The following WWOX variants were observed in gnomAD, a reference collection of about 807,000 sequenced individuals.
WWOX encodes the protein WW domain containing oxidoreductase.
WWOX carries 69 observed loss-of-function variants against 46.2 expected under a neutral mutation model. That is an observed-to-expected ratio of 1.49 (90% CI 1.23 to 1.82). WWOX has a LOEUF of 1.82. Among genes scored for constraint, WWOX ranks in the 40% most tolerant of loss-of-function variants. The pLI is 0.00. For synonymous variants in WWOX, 359 were observed against 202.6 expected, an observed-to-expected ratio of 1.77 and a Z score of -6.56; for missense variants, 919 against 542.6, an observed-to-expected ratio of 1.69 and a Z score of -6.89.
chr16:78,595,297 TTC>T lies in WWOX; in HGVS notation c.1056+162546_1056+162547del, dbSNP rs1555570658. On this transcript the variant is annotated intron_variant, in intron 8 of 8. Transcript: ENST00000566780. The stretch of plus-strand genomic sequence containing the variant: ...AGCAACTGGAAATGTCTTTTTTTTT[TTC>T]CTCCTTTTTCCTGAATATGGAACCA... 6.3e-3 allele frequency among the ~76,000 whole-genome samples: 922 copies of T among 147,056 alleles called. 5 individuals carry two copies. The highest frequency in any genetic ancestry group is 0.024 in the African/African-American group (889 of 37,332).
intron 6 of WWOX, among the ~76,000 whole-genome samples, chr16:78,388,137 T>C (rs902943855): frequency 6.6e-6 from 1 of 152,314 alleles, no homozygotes; most frequent in East Asian, 1.9e-4. Context: ...CCCAAGTGAT[T>C]TTCCTGTCCC....
rs2031608706 is a variant in WWOX at position 78,099,669 on chromosome 16, G to C, written c.-110G>C. 1 of 1,368,788 alleles carries C rather than the reference G, an allele frequency of 7.3e-7. No individual in the cohort carries two copies. Among genetic ancestry groups the C allele is most frequent in the Admixed American group, 3.0e-5 (1 of 33,668 alleles). The allele number at this position is 1,368,788 out of a possible 1,614,324, so 84.8% of individuals were successfully genotyped here. A position where few individuals can be genotyped will look rare whatever the true frequency, so the allele number is the denominator to read the frequency against. The stretch of plus-strand genomic sequence containing the variant: ...CCTGGAGGGCGCAGTGCGCAGGCGT[G>C]AGCGGTCGGGCCCCGACGCGCGCGG... On this transcript the variant is annotated 5_prime_UTR_variant, in exon 1 of 9. Coordinates refer to ENST00000566780, the MANE Select transcript of WWOX (RefSeq NM_016373.4).
At chr16:78,464,751 G>T (rs191495688) in intron 8 of WWOX, among the ~76,000 whole-genome samples, 2 of 152,212 alleles carry the variant, frequency 1.3e-5, no homozygotes, top group South Asian at 2.1e-4. Context: ...GCCCCATTCA[G>T]TCTCCTTTTT....
intron 4 of WWOX, among the ~76,000 whole-genome samples, chr16:78,135,266 G>A (rs955784104): frequency 6.6e-6 from 1 of 152,182 alleles, no homozygotes; most frequent in African/African-American, 2.4e-5. Context: ...GCCTTTTCAT[G>A]TTTAGTTTAG....
chr16:79,098,285 A>G (rs1476539108), intron 8 of WWOX, among the ~76,000 whole-genome samples: 2 of 152,176 alleles, frequency 1.3e-5, no homozygotes, highest in African/African-American at 4.8e-5. Context: ...TATTTAGTAG[A>G]GGAGGAAACT....
intron 8 of WWOX, among the ~76,000 whole-genome samples, chr16:78,730,959 C>T (rs758093452): frequency 6.6e-6 from 1 of 152,036 alleles, no homozygotes; most frequent in African/African-American, 2.4e-5. Context: ...ACATTATTAT[C>T]ATTAACAAAG....
chr16:78,115,184 G>C (rs766258905), intron 4 of WWOX, 30 bp downstream of exon 4: 3 of 1,613,474 alleles, frequency 1.9e-6, no homozygotes, highest in Non-Finnish European at 2.5e-6. Flanking sequence ...ATTTATCTTT[G>C]GGACTGCTAT....
rs140200748 is a variant in WWOX, at chr16:79,073,831, G to A, written c.1057-137777G>A. ...TGAGAGTCAACCTTTAGAAAAGTTC[G>A]TAACTATTTGTCAAAATTAAGCTTA... is the stretch of plus-strand genomic sequence containing the variant. On this transcript the variant is annotated intron_variant, in intron 8 of 8. Coordinates refer to ENST00000566780, the MANE Select transcript of WWOX (RefSeq NM_016373.4). Among the ~76,000 whole-genome samples the A allele has an allele frequency of 3.3e-5, 5 of 152,202 alleles. No individual in the cohort carries two copies. In the East Asian group the frequency reaches 5.8e-4, roughly 18 times the overall value.
At chr16:78,497,316 C>A (rs1309260273) in intron 8 of WWOX, among the ~76,000 whole-genome samples, 6 of 152,202 alleles carry the variant, frequency 3.9e-5, no homozygotes, top group African/African-American at 1.4e-4. Context: ...GAAAAATCAA[C>A]TCAAAGTGGA....
At chr16:78,254,581 C>G (rs2038077935) in intron 5 of WWOX, among the ~76,000 whole-genome samples, 1 of 142,690 alleles carries the variant, frequency 7.0e-6, no homozygotes. Context: ...TCTCAGCTCA[C>G]TGCAACCTCT....
chr16:78,413,290 A>G (rs1401898732), intron 6 of WWOX, among the ~76,000 whole-genome samples: 1 of 152,122 alleles, frequency 6.6e-6, no homozygotes, highest in Non-Finnish European at 1.5e-5. Flanking sequence ...TGTCCATGTG[A>G]AGAGACCACC....
chr16:78,523,898 A>G (rs1415978358), intron 8 of WWOX, among the ~76,000 whole-genome samples: 1 of 152,198 alleles, frequency 6.6e-6, no homozygotes, highest in Non-Finnish European at 1.5e-5. Context: ...ACAGGTAAGA[A>G]CACAGCCCCA....
At chr16:78,621,592 CTTTTTTTTTTTTTTT>C (rs34182797) in intron 8 of WWOX, among the ~76,000 whole-genome samples, 12 of 31,542 alleles carry the variant, frequency 3.8e-4, no homozygotes, top group South Asian at 3.5e-3. Context: ...TTGTTCTAAT[CTTTTTTTTTTTTTTT>C]TTTTTTTTTT....
chr16:78,177,332 G>A (rs2035383889), intron 5 of WWOX, among the ~76,000 whole-genome samples: 1 of 152,188 alleles, frequency 6.6e-6, no homozygotes, highest in African/African-American at 2.4e-5. Flanking sequence ...TAGAGTGGGT[G>A]ACACAAGATA....
chr16:78,488,998 C>G (rs1292677233), intron 8 of WWOX, among the ~76,000 whole-genome samples: 1 of 152,174 alleles, frequency 6.6e-6, no homozygotes, highest in African/African-American at 2.4e-5. Context: ...ACTTCGCAGT[C>G]TCTGCAGAGT....
At chr16:79,078,662 C>A (rs535539865) in intron 8 of WWOX, among the ~76,000 whole-genome samples, 1 of 152,302 alleles carries the variant, frequency 6.6e-6, no homozygotes, top group Non-Finnish European at 1.5e-5. Flanking sequence ...TTGAATTGAA[C>A]TGAATTTGTT....
intron 8 of WWOX, among the ~76,000 whole-genome samples, chr16:78,560,618 T>C (rs2151557328): frequency 6.6e-6 from 1 of 152,304 alleles, no homozygotes; most frequent in African/African-American, 2.4e-5. Flanking sequence ...TACTCCAGTC[T>C]AGGCAACAAG....
intron 8 of WWOX, among the ~76,000 whole-genome samples, chr16:78,689,261 C>T (rs909533120): frequency 6.6e-6 from 1 of 152,210 alleles, no homozygotes; most frequent in East Asian, 1.9e-4. Context: ...GGAAGGTTGC[C>T]AAACTGTGCT....
chr16:78,358,253 C>G (rs140381817), intron 5 of WWOX, among the ~76,000 whole-genome samples: 1 of 152,172 alleles, frequency 6.6e-6, no homozygotes, highest in East Asian at 1.9e-4. Flanking sequence ...TCAGTAAATT[C>G]ATTCATGTAT....
Sources: gnomAD v4.1 joint callset for allele counts (sites outside exome capture counted in the v4.1 genomes callset) on GRCh38, gnomAD v4.1.1 for gene constraint, MANE v1.5 for transcripts, NCBI Gene and HGNC (gene_info 2026-07-23, HGNC 2026-07-21) for gene names.